ERC2: variants seen among roughly 807,000 people sequenced by gnomAD.
ERC2 encodes ELKS/RAB6-interacting/CAST family member 2, also known as ERC protein 2.
ERC2 carries 42 observed loss-of-function variants against 114.8 expected under a neutral mutation model. The ratio of observed to expected loss-of-function variants is 0.37; its 90% CI spans 0.29 to 0.47. The LOEUF (loss-of-function observed/expected upper bound fraction) is 0.47, where lower values mean the gene tolerates loss of function less well. Among genes scored for constraint, ERC2 ranks in the 20% least tolerant of loss-of-function variants. ERC2 has a pLI of 0.99. For missense variants in ERC2, 939 were observed against 1,150.7 expected (o/e 0.82, Z 2.66); for synonymous variants, 454 against 425.5 (o/e 1.07, Z -0.82).
At chr3:56,204,922 CTGTG>C (rs58831473) in intron 3 of ERC2, among the ~76,000 whole-genome samples, 85 of 149,848 alleles carry the variant, frequency 5.7e-4, no homozygotes, top group Middle Eastern at 6.9e-3. Context: ...TGGGACGTGT[CTGTG>C]TGTGTGTGTG....
intron 14 of ERC2, among the ~76,000 whole-genome samples, chr3:55,759,461 TTAAAAAAAAAAAAAA>T (rs2067271200): frequency 1.7e-5 from 1 of 58,938 alleles, no homozygotes; most frequent in Non-Finnish European, 3.0e-5. Context: ...GTCTCTTTCA[TTAAAAAAAAAAAAAA>T]AAAAAAAAAA....
At chr3:56,130,458 G>A (rs912027051) in intron 6 of ERC2, among the ~76,000 whole-genome samples, 5 of 152,256 alleles carry the variant, frequency 3.3e-5, no homozygotes, top group East Asian at 1.9e-4. Context: ...AGACATTTAC[G>A]TATTTCACAG....
chr3:56,139,772 T>G, intron 5 of ERC2, 96 bp from the exon 6 acceptor site: 1 of 1,334,604 alleles, frequency 7.5e-7, no homozygotes, highest in Non-Finnish European at 1.0e-6. Context: ...CAGCAGCCAG[T>G]GATCAATAAT....
chr3:55,891,824 G>C (rs763164101), intron 13 of ERC2, among the ~76,000 whole-genome samples: 5 of 152,056 alleles, frequency 3.3e-5, no homozygotes, highest in African/African-American at 9.7e-5. Flanking sequence ...TTATTCTTGC[G>C]GTCCCATGGT....
intron 2 of ERC2, among the ~76,000 whole-genome samples, chr3:56,415,204 A>G (rs2061101861): frequency 6.6e-6 from 1 of 152,216 alleles, no homozygotes; most frequent in Non-Finnish European, 1.5e-5. Context: ...CCTTTCATTC[A>G]ACAACTGTAT....
intron 13 of ERC2, among the ~76,000 whole-genome samples, chr3:55,949,734 A>G (rs904360725): frequency 1.1e-4 from 17 of 152,230 alleles, no homozygotes; most frequent in Non-Finnish European, 1.5e-5. Context: ...ACTCCGGCCA[A>G]CTTGAACTGC....
chr3:55,776,835 AC>A (rs1228201831), intron 14 of ERC2, among the ~76,000 whole-genome samples: 1 of 152,196 alleles, frequency 6.6e-6, no homozygotes, highest in African/African-American at 2.4e-5. Context: ...GCAAACACAC[AC>A]AAACGCTAGG....
Position 55,957,518 on chromosome 3 carries a change from G to A in ERC2, c.2268-6958C>T, listed in dbSNP as rs56163631. Among the ~76,000 whole-genome samples the A allele has an allele frequency of 8.6e-3, 1,312 of 152,286 alleles. 6 individuals carry two copies. Among genetic ancestry groups the A allele is most frequent in the Non-Finnish European group, 0.014 (962 of 68,032 alleles). On this transcript the variant is annotated intron_variant, in intron 12 of 17. Coordinates refer to ENST00000288221, the MANE Select transcript of ERC2 (RefSeq NM_015576.3). ...CCTCCACCAGCTGGAAACCTCTGTG[G>A]CCAGCCGCACCCCTGCTTGGGTTTT... is the stretch of plus-strand genomic sequence containing the variant.
intron 7 of ERC2, among the ~76,000 whole-genome samples, chr3:56,054,317 C>T (rs188259556): frequency 4.5e-4 from 68 of 152,220 alleles, no homozygotes; most frequent in Non-Finnish European, 7.8e-4. Context: ...CATCGTTGAA[C>T]GGGGGAGATT....
chr3:55,990,019 C>T (rs1481379780), intron 11 of ERC2, among the ~76,000 whole-genome samples: 1 of 152,124 alleles, frequency 6.6e-6, no homozygotes, highest in Non-Finnish European at 1.5e-5. Context: ...TTCAAGATCT[C>T]AGTTTCCTAA....
At chr3:55,724,364 C>G (rs1224626308) in intron 15 of ERC2, among the ~76,000 whole-genome samples, 1 of 152,152 alleles carries the variant, frequency 6.6e-6, no homozygotes, top group Non-Finnish European at 1.5e-5. Context: ...CTTCTTTATT[C>G]TGCTTTTTAG....
chr3:56,296,367 G>T lies in ERC2; in HGVS notation c.726C>A (p.Leu242=). The change falls in exon 3 of 18, where the codon CTC becomes CTA. Residue 242 remains leucine (L), a synonymous_variant. Coordinates refer to ENST00000288221, the MANE Select transcript of ERC2 (RefSeq NM_015576.3). ...CTCCTCGGTTGCCACTCTCTTGCTG[G>T]AGGAGGTGGTTGAGGTCTCTCTGGG... is the stretch of plus-strand genomic sequence containing the variant. ...LRTQRDLNHL[L]QQESGNRGAE... is the part of the protein sequence containing the mutation. 6.2e-7 allele frequency: 1 copy of T among 1,614,028 alleles called. No individual in the cohort carries two copies. Among genetic ancestry groups the T allele is most frequent in the Non-Finnish European group, 8.5e-7 (1 of 1,179,878 alleles).
intron 7 of ERC2, among the ~76,000 whole-genome samples, chr3:56,052,820 C>A (rs2075832529): frequency 6.6e-6 from 1 of 152,094 alleles, no homozygotes; most frequent in Non-Finnish European, 1.5e-5. Flanking sequence ...ATCTTTCCCA[C>A]ATAATCATAG....
intron 3 of ERC2, among the ~76,000 whole-genome samples, chr3:56,263,357 A>G (rs1371459676): frequency 6.6e-6 from 1 of 151,488 alleles, no homozygotes; most frequent in Non-Finnish European, 1.5e-5. Context: ...AATACAGTGA[A>G]ATTAAAAAAA....
intron 3 of ERC2, among the ~76,000 whole-genome samples, chr3:56,273,739 G>A (rs1321469931): frequency 1.3e-5 from 2 of 152,066 alleles, no homozygotes; most frequent in Non-Finnish European, 2.9e-5. Context: ...ACTCCTTTGT[G>A]CAAATTAGAA....
intron 17 of ERC2, among the ~76,000 whole-genome samples, chr3:55,624,588 G>A (rs1451018150): frequency 6.6e-6 from 1 of 152,212 alleles, no homozygotes; most frequent in Non-Finnish European, 1.5e-5. Flanking sequence ...AATGCTCAGG[G>A]TCTGGAGTCT....
At chr3:56,320,068 A>G (rs1476448069) in intron 2 of ERC2, among the ~76,000 whole-genome samples, 1 of 152,236 alleles carries the variant, frequency 6.6e-6, no homozygotes, top group Non-Finnish European at 1.5e-5. Context: ...AGGAACCTCC[A>G]AACCAGGAGT....
chr3:55,952,447 T>C (rs902420388), intron 12 of ERC2, among the ~76,000 whole-genome samples: 21 of 152,008 alleles, frequency 1.4e-4, no homozygotes, highest in African/African-American at 4.8e-4. Flanking sequence ...GAGGAAATTA[T>C]CTTTTGGTTA....
intron 3 of ERC2, among the ~76,000 whole-genome samples, chr3:56,292,496 G>A (rs1248803115): frequency 6.6e-6 from 1 of 151,976 alleles, no homozygotes; most frequent in African/African-American, 2.4e-5. Context: ...AGGCTGAGGT[G>A]GGAGGATCAC....
Sources: allele counts gnomAD v4.1 joint callset (sites outside exome capture counted in the v4.1 genomes callset), GRCh38; gene constraint gnomAD v4.1.1; transcripts MANE v1.5; gene names NCBI Gene and HGNC (gene_info 2026-07-23, HGNC 2026-07-21).